Variants in FAM168B observed in about 807,000 individuals in gnomAD.
The protein encoded by FAM168B is myelin-associated neurite-outgrowth inhibitor.
Under a neutral mutation model 21.8 loss-of-function variants are expected in FAM168B, and 19 were observed. The observed-to-expected ratio is 0.87, with a 90% CI of 0.61 to 1.28. The LOEUF is 1.28. Ranked by LOEUF, FAM168B falls within the 50% of genes most tolerant of loss-of-function variation. The pLI, the probability that FAM168B is intolerant of heterozygous loss-of-function variation, is 0.00. For missense variants in FAM168B, 233 were observed against 263.1 expected (o/e 0.89, Z 0.79); for synonymous variants, 126 against 104.8 (o/e 1.20, Z -1.24).
chr2:131,058,326 T>C (rs1692126047), intron 3 of FAM168B, among the ~76,000 whole-genome samples: 2 of 152,064 alleles, frequency 1.3e-5, no homozygotes, highest in Admixed American at 1.3e-4. Context: ...CACGAAGCCT[T>C]CAACATCAGC....
intron 3 of FAM168B, among the ~76,000 whole-genome samples, chr2:131,058,353 G>C (rs539738304): frequency 6.6e-6 from 1 of 152,220 alleles, no homozygotes; most frequent in Admixed American, 6.6e-5. Flanking sequence ...ATACTCCCCT[G>C]CATGCCCTTT....
Position 131,051,128 on chromosome 2 carries a change from G to A in FAM168B, c.*1337C>T. On this transcript the variant is annotated 3_prime_UTR_variant, in exon 7 of 7. Transcript: ENST00000389915. ...CCTCTCTGCTGTCTGTGCTTGCTTT[G>A]TGCCAAGTGCCCTCAGCTGCAAAAG... 1 of 985,332 alleles carries A rather than the reference G, an allele frequency of 1.0e-6. No homozygotes were observed. The highest frequency in any genetic ancestry group is 1.2e-6 in the Non-Finnish European group (1 of 829,964). The allele number at this position is 985,332 out of a possible 1,614,324, so 61.0% of individuals were successfully genotyped here.
intron 1 of FAM168B, among the ~76,000 whole-genome samples, chr2:131,088,869 T>C (rs1331754327): frequency 1.3e-5 from 2 of 151,988 alleles, no homozygotes; most frequent in South Asian, 2.1e-4. Context: ...CCTGAAATGT[T>C]AGTGCTACTA....
At chr2:131,087,913 T>A (rs1693798120) in intron 1 of FAM168B, among the ~76,000 whole-genome samples, 1 of 152,164 alleles carries the variant, frequency 6.6e-6, no homozygotes, top group African/African-American at 2.4e-5. Context: ...AGGCTCTCCT[T>A]CCATAATGAC....
chr2:131,079,754 T>C (rs572269073), intron 2 of FAM168B, among the ~76,000 whole-genome samples: 4 of 151,980 alleles, frequency 2.6e-5, no homozygotes, highest in South Asian at 4.1e-4. Flanking sequence ...GGCAAAAGAA[T>C]GCCTCAAAAG....
At chr2:131,080,487 A>C (rs1299263114) in intron 2 of FAM168B, among the ~76,000 whole-genome samples, 1 of 151,454 alleles carries the variant, frequency 6.6e-6, no homozygotes, top group Non-Finnish European at 1.5e-5. Context: ...GCATGGTGGC[A>C]TGCATCTGTA....
chr2:131,051,201 C>T lies in FAM168B; in HGVS notation c.*1264G>A, dbSNP rs1234220375. The T allele has an allele frequency of 6.1e-6, 6 of 985,252 alleles. No individual in the cohort carries two copies. The highest frequency in any genetic ancestry group is 7.2e-6 in the Non-Finnish European group (6 of 829,952). 61.0% of individuals were successfully genotyped at this position (985,252 alleles called of 1,614,324 possible). ...ACAACAGACACTGGCCTCCCCCTCG[C>T]CCCATCTCTAAGCGTCCCCTCCAGC... On this transcript the variant is annotated 3_prime_UTR_variant, in exon 7 of 7. Transcript: ENST00000389915.
intron 6 of FAM168B, 108 bp downstream of exon 6, chr2:131,052,783 G>A (rs1384278952): frequency 2.7e-6 from 4 of 1,456,986 alleles, no homozygotes; most frequent in Non-Finnish European, 3.7e-6. Flanking sequence ...CTGGATCCAG[G>A]GTCAGGCACA....
intron 1 of FAM168B, among the ~76,000 whole-genome samples, chr2:131,090,121 C>G (rs1306718800): frequency 1.4e-5 from 2 of 138,890 alleles, no homozygotes; most frequent in Non-Finnish European, 3.0e-5. Context: ...AGATCGAGAC[C>G]ACAGTGAAAC....
At chr2:131,081,174 G>C (rs558595651) in intron 2 of FAM168B, among the ~76,000 whole-genome samples, 27 of 152,066 alleles carry the variant, frequency 1.8e-4, no homozygotes, top group African/African-American at 6.0e-4. Context: ...TTTTTTCTCA[G>C]CATCTTGTTC....
At chr2:131,087,367 G>A (rs187955297) in intron 1 of FAM168B, among the ~76,000 whole-genome samples, 17 of 152,204 alleles carry the variant, frequency 1.1e-4, no homozygotes, top group African/African-American at 3.9e-4. Context: ...AGCTACACAG[G>A]AGGCTGACGC....
intron 1 of FAM168B, among the ~76,000 whole-genome samples, chr2:131,084,170 G>C (rs1693566567): frequency 6.6e-6 from 1 of 150,768 alleles, no homozygotes; most frequent in South Asian, 2.1e-4. Context: ...AAAGTGCTGG[G>C]ACTGTATTTC....
At position 131,048,343 on chromosome 2, in the gene FAM168B, C is replaced by A; in HGVS notation, c.*4122G>T. ...TCTGCACAGGGACTCATGGGCACAG[C>A]CTGTGGTGAGGAGGAGACACCTGTC... On this transcript the variant is annotated 3_prime_UTR_variant, in exon 7 of 7. Coordinates refer to ENST00000389915, the MANE Select transcript of FAM168B (RefSeq NM_001009993.4). 7.7e-7 allele frequency: 1 copy of A among 1,301,868 alleles called. No individual in the cohort carries two copies. The highest frequency in any genetic ancestry group is 1.0e-6 in the Non-Finnish European group (1 of 987,170). The allele number at this position is 1,301,868 out of a possible 1,614,324, so 80.6% of individuals were successfully genotyped here.
In FAM168B at chr2:131,048,179, A is replaced by C; in HGVS notation, c.*4286T>G. Reference sequence around the variant, plus strand: ...AAACGGTATTTAAAAATCATTTTTAAAAAAACAAAAAGGAACCGTTTCTTC... The same window carrying C: ...AAACGGTATTTAAAAATCATTTTTACAAAAACAAAAAGGAACCGTTTCTTC... On this transcript the variant is annotated 3_prime_UTR_variant, in exon 7 of 7. Transcript: ENST00000389915. 8.0e-7 allele frequency: 1 copy of C among 1,249,524 alleles called. No individual in the cohort carries two copies. Among genetic ancestry groups the C allele is most frequent in the Non-Finnish European group, 1.0e-6 (1 of 959,636 alleles). The allele number at this position is 1,249,524 out of a possible 1,614,324, so 77.4% of individuals were successfully genotyped here.
At chr2:131,076,459 A>C (rs1239296290) in intron 2 of FAM168B, among the ~76,000 whole-genome samples, 1 of 151,932 alleles carries the variant, frequency 6.6e-6, no homozygotes, top group Non-Finnish European at 1.5e-5. Flanking sequence ...CAGGAGATTG[A>C]GACCACGATG....
Position 131,055,255 on chromosome 2 carries a change from C to T in FAM168B, c.475+17G>A, listed in dbSNP as rs1691947278. 1 of 1,529,840 alleles carries T rather than the reference C, an allele frequency of 6.5e-7. No individual in the cohort carries two copies. Among genetic ancestry groups the T allele is most frequent in the East Asian group, 2.4e-5 (1 of 42,508 alleles). 94.8% of individuals were successfully genotyped at this position (1,529,840 alleles called of 1,614,324 possible). ...AGGGTACACCATAGGACAGACACCG[C>T]AGGAACGAGGACTTACCTGCTGACA... On this transcript the variant is annotated intron_variant, in intron 5 of 6. Transcript: ENST00000389915.
chr2:131,049,954 A>AT lies in FAM168B; in HGVS notation c.*2510dup, dbSNP rs1691548251. ...TTTCCTAAGTCCAGATTCTTACCTG[A>AT]TATCTACCTTTCGTATCTGACAGCT... On this transcript the variant is annotated 3_prime_UTR_variant, in exon 7 of 7. Transcript: ENST00000389915. The AT allele has an allele frequency of 2.0e-6, 2 of 985,400 alleles. No homozygotes were observed. The highest frequency in any genetic ancestry group is 9.4e-5 in the South Asian group (2 of 21,292). 61.0% of individuals were successfully genotyped at this position (985,400 alleles called of 1,614,324 possible).
Position 131,061,241 on chromosome 2 carries a change from G to C in FAM168B, c.155-5546C>G, listed in dbSNP as rs1371122048. ...AGGCCAAGGTGGGCAGATCACATGA[G>C]CCCAGGAGTTGAGACGAGCCTAGCC... On this transcript the variant is annotated intron_variant, in intron 3 of 6. Coordinates refer to ENST00000389915, the MANE Select transcript of FAM168B (RefSeq NM_001009993.4). Among the ~76,000 whole-genome samples, 3 of 147,404 alleles carry C rather than the reference G, an allele frequency of 2.0e-5. No individual in the cohort carries two copies. In the East Asian group the frequency reaches 6.2e-4, roughly 31 times the overall value.
At chr2:131,073,975 T>C (rs532472571) in intron 2 of FAM168B, among the ~76,000 whole-genome samples, 3 of 152,150 alleles carry the variant, frequency 2.0e-5, no homozygotes, top group Non-Finnish European at 4.4e-5. Context: ...AATAAGACAT[T>C]GAGTGCTACA....
Sources: allele counts gnomAD v4.1 joint callset (sites outside exome capture counted in the v4.1 genomes callset), GRCh38; gene constraint gnomAD v4.1.1; transcripts MANE v1.5; gene names NCBI Gene and HGNC (gene_info 2026-07-23, HGNC 2026-07-21).